The following STON1 variants were observed in gnomAD, a reference collection of about 807,000 sequenced individuals.
STON1 encodes stonin-1.
In STON1, 79 loss-of-function variants were observed where a neutral mutation model predicts 60.9. That is an observed-to-expected ratio of 1.30 (90% confidence interval 1.08 to 1.56). The LOEUF (loss-of-function observed/expected upper bound fraction) is 1.56, where lower values mean the gene tolerates loss of function less well. Ranked by LOEUF, STON1 falls within the 40% of genes most tolerant of loss-of-function variation. STON1 has a pLI of 0.00. For missense variants in STON1, 1,166 were observed against 858.9 expected (o/e 1.36, Z -4.47); for synonymous variants, 363 against 306.9 (o/e 1.18, Z -1.91).
At chr2:48,568,470 G>T (rs549124777) in intron 1 of STON1, among the ~76,000 whole-genome samples, 42 of 152,294 alleles carry the variant, frequency 2.8e-4, no homozygotes, top group African/African-American at 9.9e-4. Context: ...AACGGCAGAA[G>T]TAGACTCTTG....
At chr2:48,583,639 G>A (rs1441927011) in intron 2 of STON1, among the ~76,000 whole-genome samples, 1 of 148,514 alleles carries the variant, frequency 6.7e-6, no homozygotes, top group Non-Finnish European at 1.5e-5. Flanking sequence ...TTCCCCCCTA[G>A]CAGAGCACTG....
intron 1 of STON1, among the ~76,000 whole-genome samples, chr2:48,564,500 T>TCTTCTTCTTC (rs1672805567): frequency 4.2e-5 from 1 of 23,616 alleles, no homozygotes; most frequent in African/African-American, 1.9e-4. Flanking sequence ...TTCTTCTTCT[T>TCTTCTTCTTC]CTTCTTCTTC....
intron 1 of STON1, among the ~76,000 whole-genome samples, chr2:48,559,258 A>G (rs1329566771): frequency 6.6e-6 from 1 of 152,160 alleles, no homozygotes; most frequent in Non-Finnish European, 1.5e-5. Flanking sequence ...AGCTTGCTAT[A>G]ACAAAAAATA....
chr2:48,560,566 G>T (rs559341922), intron 1 of STON1, among the ~76,000 whole-genome samples: 5 of 152,296 alleles, frequency 3.3e-5, no homozygotes, highest in African/African-American at 1.2e-4. Context: ...GAAGGCCAGG[G>T]GTGGGCTACA....
intron 1 of STON1, among the ~76,000 whole-genome samples, chr2:48,557,545 G>C (rs1243933652): frequency 8.8e-6 from 1 of 113,824 alleles, no homozygotes; most frequent in Non-Finnish European, 1.9e-5. Flanking sequence ...CGGCCGGGCA[G>C]AGGCTGCAAT....
At chr2:48,542,207 G>A (rs939510456) in intron 1 of STON1, among the ~76,000 whole-genome samples, 3 of 152,180 alleles carry the variant, frequency 2.0e-5, no homozygotes, top group African/African-American at 7.2e-5. Flanking sequence ...TATCAGTGGA[G>A]CCTATTTATA....
At chr2:48,568,221 C>T (rs1431016612) in intron 1 of STON1, among the ~76,000 whole-genome samples, 3 of 152,082 alleles carry the variant, frequency 2.0e-5, no homozygotes, top group Non-Finnish European at 2.9e-5. Context: ...CATCAGTCCT[C>T]CCCCAACATC....
intron 1 of STON1, among the ~76,000 whole-genome samples, chr2:48,535,129 G>A (rs554458632): frequency 6.6e-6 from 1 of 152,208 alleles, no homozygotes; most frequent in South Asian, 2.1e-4. Flanking sequence ...CGTCAGGAGA[G>A]TGTGATAGGT....
At chr2:48,536,837 C>T (rs937595353) in intron 1 of STON1, among the ~76,000 whole-genome samples, 25 of 152,250 alleles carry the variant, frequency 1.6e-4, no homozygotes, top group Middle Eastern at 3.4e-3. Flanking sequence ...CTATAAATGT[C>T]TTCTACAACT....
At chr2:48,533,255 A>C (rs551966749) in intron 1 of STON1, among the ~76,000 whole-genome samples, 1 of 151,974 alleles carries the variant, frequency 6.6e-6, no homozygotes, top group African/African-American at 2.4e-5. Flanking sequence ...GGTGGCGGGC[A>C]CCTATAATCC....
chr2:48,533,240 G>A (rs111648543), intron 1 of STON1, among the ~76,000 whole-genome samples: 1 of 152,114 alleles, frequency 6.6e-6, no homozygotes, highest in Non-Finnish European at 1.5e-5. Flanking sequence ...AAATTAGGTG[G>A]GCATGGTGGC....
intron 2 of STON1, among the ~76,000 whole-genome samples, chr2:48,584,769 A>G (rs1215347299): frequency 6.6e-6 from 1 of 152,120 alleles, no homozygotes; most frequent in East Asian, 1.9e-4. Flanking sequence ...AAGTTGTAGA[A>G]CCAGAAGAAC....
At chr2:48,586,207 T>C (rs575897066) in intron 2 of STON1, among the ~76,000 whole-genome samples, 1 of 152,360 alleles carries the variant, frequency 6.6e-6, no homozygotes, top group East Asian at 1.9e-4. Flanking sequence ...TACTGCATTT[T>C]TTTCAGAGTC....
chr2:48,564,417 T>C (rs150755610), intron 1 of STON1, among the ~76,000 whole-genome samples: 1,390 of 40,094 alleles, frequency 0.035, 29 homozygotes, highest in African/African-American at 0.099. Context: ...CTTCTTCTTC[T>C]TCTTCTTCTT....
chr2:48,575,714 G>T lies in STON1; in HGVS notation c.-47-4873G>T, dbSNP rs1673450227. 2.0e-5 allele frequency among the ~76,000 whole-genome samples: 3 copies of T among 149,998 alleles called. No homozygotes were observed. The South Asian group carries it at 6.3e-4, about 31-fold the overall frequency. On this transcript the variant is annotated intron_variant, in intron 1 of 3. Transcript: ENST00000404752. ...AATTCTTTTGGATAAATACCCGTAA[G>T]TGGATTGCTGGATCATATGGTAGTT...
chr2:48,597,706 A>G lies in STON1; in HGVS notation c.*2404A>G, dbSNP rs1236712344. 6.5e-6 allele frequency: 1 copy of G among 152,692 alleles called. No homozygotes were observed. The highest frequency in any genetic ancestry group is 1.5e-5 in the Non-Finnish European group (1 of 68,048). 9.5% of individuals were successfully genotyped at this position (152,692 alleles called of 1,614,324 possible). A position where few individuals can be genotyped will look rare whatever the true frequency, so the allele number is the denominator to read the frequency against. ...GATAGCATTAACAGCAGGGTGTTAC[A>G]GCATAATTGTTAATTCGCACATCTA... is the stretch of plus-strand genomic sequence containing the variant. On this transcript the variant is annotated 3_prime_UTR_variant, in exon 4 of 4. Transcript: ENST00000404752.
intron 1 of STON1, among the ~76,000 whole-genome samples, chr2:48,564,728 TCTTTC>T: frequency 7.1e-6 from 1 of 141,056 alleles, no homozygotes; most frequent in African/African-American, 2.6e-5. Context: ...TTTCTTTCTT[TCTTTC>T]TTTTTTTTTT....
At chr2:48,533,120 C>T (rs1057330942) in intron 1 of STON1, among the ~76,000 whole-genome samples, 2 of 151,998 alleles carry the variant, frequency 1.3e-5, no homozygotes, top group Non-Finnish European at 2.9e-5. Flanking sequence ...GCGGTGGCTT[C>T]CGCTTGTAAT....
chr2:48,543,335 T>A (rs944583864), intron 1 of STON1, among the ~76,000 whole-genome samples: 7 of 152,096 alleles, frequency 4.6e-5, no homozygotes, highest in Non-Finnish European at 1.0e-4. Flanking sequence ...CTGAAACTTT[T>A]TGGACAGCCA....
Sources: gnomAD v4.1 joint callset for allele counts (sites outside exome capture counted in the v4.1 genomes callset) on GRCh38, gnomAD v4.1.1 for gene constraint, MANE v1.5 for transcripts, NCBI Gene and HGNC (gene_info 2026-07-23, HGNC 2026-07-21) for gene names.